GRIA2: variants seen among roughly 807,000 people sequenced by gnomAD.
GRIA2 encodes the protein glutamate ionotropic receptor AMPA type subunit 2.
In GRIA2, 14 loss-of-function variants were observed where a neutral mutation model predicts 97.3. That is an observed-to-expected ratio of 0.14 (90% CI 0.10 to 0.23). The LOEUF (loss-of-function observed/expected upper bound fraction) is 0.23. Among genes scored for constraint, GRIA2 ranks in the 10% least tolerant of loss-of-function variants. The pLI is 1.00. For synonymous variants in GRIA2, 412 were observed against 387.8 expected (o/e 1.06, Z -0.73); for missense variants, 558 against 1,069.8 (o/e 0.52, Z 6.67).
At chr4:157,329,131 T>A (rs1300845497) in intron 6 of GRIA2, among the ~76,000 whole-genome samples, 1 of 151,970 alleles carries the variant, frequency 6.6e-6, no homozygotes, top group Non-Finnish European at 1.5e-5. Context: ...ATACATTTCC[T>A]CATACTGTTC....
chr4:157,336,560 G>A lies in GRIA2; in HGVS notation c.1657G>A (p.Ala553Thr). The change falls in exon 11 of 16, where the codon GCC becomes ACC. Residue 553 changes from alanine (A) to threonine (T), a missense_variant. Around this residue, in one of 8 missense-constraint regions of GRIA2, gnomAD observed 125 missense variants for 310.2 expected, o/e 0.40. Transcript: ENST00000264426. The stretch of plus-strand genomic sequence containing the variant: ...TGAGATCTGGATGTGCATTGTTTTT[G>A]CCTACATTGGGGTCAGTGTAGTTTT... ...AYEIWMCIVF[A>T]YIGVSVVLFL... The A allele has an allele frequency of 6.2e-7, 1 of 1,613,170 alleles. No homozygotes were observed. Among genetic ancestry groups the A allele is most frequent in the Non-Finnish European group, 8.5e-7 (1 of 1,179,366 alleles).
intron 12 of GRIA2, among the ~76,000 whole-genome samples, chr4:157,346,635 A>T (rs1735777200): frequency 6.6e-6 from 1 of 151,472 alleles, no homozygotes; most frequent in Non-Finnish European, 1.5e-5. Flanking sequence ...AAATATTTAA[A>T]TAGTTTCAAA....
chr4:157,300,492 G>C (rs1201753979), intron 2 of GRIA2, among the ~76,000 whole-genome samples: 3 of 152,064 alleles, frequency 2.0e-5, no homozygotes, highest in African/African-American at 7.2e-5. Flanking sequence ...CTTGGGGACA[G>C]AGACAGTGAC....
rs371939918 is a variant in GRIA2, at chr4:157,361,086, G to A, written c.2368G>A (p.Asp790Asn). 4 of 1,613,496 alleles carry A rather than the reference G, an allele frequency of 2.5e-6. No homozygotes were observed. Among genetic ancestry groups the A allele is most frequent in the Non-Finnish European group, 3.4e-6 (4 of 1,179,550 alleles). The change falls in exon 14 of 16, where the codon GAC (aspartate) becomes AAC (asparagine). Residue 790 changes from aspartate to asparagine, a missense_variant. Coordinates refer to ENST00000264426, the MANE Select transcript of GRIA2 (RefSeq NM_001083619.3). This position sits in a 1 kb window ranked among gnomAD's most constrained non-coding sequence, Gnocchi z 5.2. The stretch of plus-strand genomic sequence containing the variant: ...CAAATTGAAAAACAAATGGTGGTAC[G>A]ACAAAGGAGAGTGCGGCAGCGGGGG... ...LDKLKNKWWYDKGECGSGGGD... is the reference protein window; with the variant it reads ...LDKLKNKWWYNKGECGSGGGD...
intron 2 of GRIA2, among the ~76,000 whole-genome samples, chr4:157,245,591 G>T (rs1179841675): frequency 2.0e-5 from 3 of 151,976 alleles, no homozygotes; most frequent in Admixed American, 2.0e-4. Context: ...TAAGTGAAAT[G>T]AAATCCAACT....
chr4:157,330,876 G>A (rs1735020056), intron 6 of GRIA2, among the ~76,000 whole-genome samples: 2 of 151,886 alleles, frequency 1.3e-5, no homozygotes, highest in Admixed American at 1.3e-4. Context: ...AAACACAGGG[G>A]CAGAGATGAA....
intron 2 of GRIA2, among the ~76,000 whole-genome samples, chr4:157,258,351 G>A (rs566741304): frequency 3.9e-5 from 6 of 152,028 alleles, no homozygotes; most frequent in African/African-American, 1.4e-4. Flanking sequence ...TCTCTAAAAC[G>A]GCCACTCTGG....
At chr4:157,331,853 T>G (rs1210547791) in intron 6 of GRIA2, among the ~76,000 whole-genome samples, 1 of 151,990 alleles carries the variant, frequency 6.6e-6, no homozygotes, top group Non-Finnish European at 1.5e-5. Flanking sequence ...AGGAACTGAG[T>G]AGAATTATTT....
intron 9 of GRIA2, chr4:157,335,081 A>G (rs1735220821): frequency 6.5e-6 from 1 of 153,110 alleles, no homozygotes; most frequent in Non-Finnish European, 1.5e-5. Flanking sequence ...GGGGGAAGCT[A>G]CTCTCTAGCT....
intron 5 of GRIA2, among the ~76,000 whole-genome samples, chr4:157,320,466 A>G (rs144559512): frequency 1.3e-5 from 2 of 152,236 alleles, no homozygotes; most frequent in East Asian, 1.9e-4. Context: ...GAACATACCT[A>G]CGGTAAAACA....
intron 2 of GRIA2, among the ~76,000 whole-genome samples, chr4:157,234,347 T>G (rs934859161): frequency 6.6e-6 from 1 of 152,074 alleles, no homozygotes; most frequent in African/African-American, 2.4e-5. Flanking sequence ...ACTTCTTTAA[T>G]ATAATACAAC....
At chr4:157,275,035 T>G (rs1282412057) in intron 2 of GRIA2, among the ~76,000 whole-genome samples, 2 of 151,922 alleles carry the variant, frequency 1.3e-5, no homozygotes, top group Non-Finnish European at 2.9e-5. Context: ...GCCTGTTGTT[T>G]CCTGACTTTT....
intron 12 of GRIA2, among the ~76,000 whole-genome samples, chr4:157,357,147 T>C (rs1230972772): frequency 8.5e-5 from 13 of 152,168 alleles, no homozygotes; most frequent in Non-Finnish European, 4.4e-5. Flanking sequence ...CTTTCTGATA[T>C]GTTTAATAGA....
At chr4:157,290,023 G>A (rs1733022566) in intron 2 of GRIA2, among the ~76,000 whole-genome samples, 3 of 151,716 alleles carry the variant, frequency 2.0e-5, no homozygotes, top group African/African-American at 7.2e-5. Context: ...TGGTTATTGG[G>A]AGCATTAAAT....
chr4:157,335,877 G>A lies in GRIA2; in HGVS notation c.1473G>A (p.Gly491=), dbSNP rs771685510. The part of the protein sequence containing the change: ...WNGMVGELVY[G]KADIAIAPLT... ...GGATGGTTGGAGAACTTGTATATGG[G>A]GTAAGTATAGCTCTTCTCATAGATA... Residue 491 remains glycine (G), a splice_region_variant and synonymous_variant, in exon 10 of 16, where the codon GGG becomes GGA. Coordinates refer to ENST00000264426, the MANE Select transcript of GRIA2 (RefSeq NM_001083619.3). 8.3e-6 allele frequency: 13 copies of A among 1,570,042 alleles called. No homozygotes were observed. In the South Asian group the frequency reaches 1.1e-4, roughly 13 times the overall value.
chr4:157,305,136 A>G (rs1733786769), intron 3 of GRIA2, among the ~76,000 whole-genome samples: 1 of 152,140 alleles, frequency 6.6e-6, no homozygotes. Context: ...TATAAAACTG[A>G]GCTTATTAAA....
At chr4:157,232,247 C>T (rs1199350424) in intron 2 of GRIA2, among the ~76,000 whole-genome samples, 1 of 152,156 alleles carries the variant, frequency 6.6e-6, no homozygotes, top group Non-Finnish European at 1.5e-5. Context: ...ACAGAAATAG[C>T]TCCCACATTT....
At chr4:157,362,355 T>C (rs1736666858) in intron 14 of GRIA2, 6 of 456,364 alleles carry the variant, frequency 1.3e-5, no homozygotes, top group Non-Finnish European at 2.6e-5. Context: ...ACTAAGCCAG[T>C]AACATGGTCA....
upstream of GRIA2, chr4:157,220,572 G>T (rs1222726134): frequency 1.3e-5 from 2 of 152,688 alleles, no homozygotes; most frequent in Non-Finnish European, 2.9e-5. Flanking sequence ...GCGCGCTCCC[G>T]CCTCCTGCCG....
Sources: allele counts gnomAD v4.1 joint callset (sites outside exome capture counted in the v4.1 genomes callset), GRCh38; gene constraint gnomAD v4.1.1; regional missense constraint gnomAD v4.1.1; non-coding constraint Gnocchi (gnomAD v3.1); transcripts MANE v1.5; gene names NCBI Gene and HGNC (gene_info 2026-07-23, HGNC 2026-07-21).